The following APEX2 variants were observed in gnomAD, a reference collection of about 807,000 sequenced individuals.
The protein encoded by APEX2 is apurinic/apyrimidinic endodeoxyribonuclease 2.
In APEX2, 4 loss-of-function variants were observed where a neutral mutation model predicts 16.7. The observed-to-expected ratio is 0.24, with a 90% CI of 0.12 to 0.55. The LOEUF is 0.55. Among genes scored for constraint, APEX2 ranks in the 20% least tolerant of loss-of-function variants. The pLI, the probability that APEX2 is intolerant of heterozygous loss-of-function variation, is 0.94. For synonymous variants in APEX2, 181 were observed against 166.9 expected (o/e 1.08, Z -0.65); for missense variants, 357 against 433.6 (o/e 0.82, Z 1.57).
chrX:55,002,896 G>A, intron 3 of APEX2, 66 bp from the exon 4 acceptor site: 1 of 1,129,499 alleles, frequency 8.9e-7, no homozygotes, highest in Non-Finnish European at 1.2e-6. Context: ...AAGCCATGTG[G>A]TATGGGGAAG....
Position 55,003,836 on chromosome X carries a change from C to A in APEX2, c.607C>A (p.Arg203Ser). The A allele has an allele frequency of 8.3e-7, 1 of 1,211,507 alleles. No homozygotes were observed. The highest frequency in any genetic ancestry group is 1.8e-5 in the South Asian group (1 of 56,962). ...TCTGGGTGACCTGAATACAGCCCAC[C>A]GCCCCATTGACCACTGGGATGCAGT... ...IILGDLNTAHRPIDHWDAVNL... is the reference protein window; with the variant it reads ...IILGDLNTAHSPIDHWDAVNL... The change falls in exon 5 of 6, where the codon CGC (arginine) becomes AGC (serine). Residue 203 changes from arginine to serine, a missense_variant. Transcript: ENST00000374987.
rs1395810255 is a variant in APEX2, at chrX:55,006,458, C to T, written c.640-60C>T. ...ATGCAGCAGTTAGTCTAAGTCCCTT[C>T]CAGTTCTAGGTATCTAGTTCTGTCT... On this transcript the variant is annotated intron_variant, in intron 5 of 5. Coordinates refer to ENST00000374987, the MANE Select transcript of APEX2 (RefSeq NM_014481.4). 4 of 975,790 alleles carry T rather than the reference C, an allele frequency of 4.1e-6. No individual in the cohort carries two copies. In the Admixed American group the frequency reaches 1.8e-4, roughly 43 times the overall value. The allele number at this position is 975,790 out of a possible 1,213,427, so 80.4% of individuals were successfully genotyped here.
intron 5 of APEX2, among the ~76,000 whole-genome samples, chrX:55,004,581 G>GCT (rs1168440469): frequency 9.0e-6 from 1 of 111,587 alleles, no homozygotes; most frequent in Admixed American, 9.4e-5. Flanking sequence ...AGCATTCAAG[G>GCT]CTCTCCTTGG....
In APEX2 at chrX:55,008,893, G is replaced by A. The variant is rs749367497; in HGVS notation, c.*1458G>A. 2.1e-5 allele frequency: 7 copies of A among 339,975 alleles called. No individual in the cohort carries two copies. The highest frequency in any genetic ancestry group is 1.5e-4 in the East Asian group (3 of 19,845). 28.0% of individuals were successfully genotyped at this position (339,975 alleles called of 1,213,427 possible). A position where few individuals can be genotyped will look rare whatever the true frequency, so the allele number is the denominator to read the frequency against. Reference sequence around the variant, plus strand: ...GTATCCTAGCTCTTTGCAACTCACTGTGTAGTTTTTGGGCATTTCCTTCCT... The same window carrying A: ...GTATCCTAGCTCTTTGCAACTCACTATGTAGTTTTTGGGCATTTCCTTCCT... On this transcript the variant is annotated 3_prime_UTR_variant, in exon 6 of 6. Transcript: ENST00000374987.
chrX:55,003,195 C>T (rs1320182220), intron 4 of APEX2, 87 bp downstream of exon 4: 1 of 1,065,421 alleles, frequency 9.4e-7, no homozygotes, highest in African/African-American at 1.9e-5. Flanking sequence ...GGATATGGAC[C>T]CTTTGTCTCT....
intron 3 of APEX2, 131 bp downstream of exon 3, chrX:55,002,562 C>A: frequency 1.3e-6 from 1 of 790,425 alleles, no homozygotes; most frequent in Non-Finnish European, 1.7e-6. Flanking sequence ...CTGGTTTAGT[C>A]CTGGCTGGGC....
rs775435972 is a variant in APEX2, at chrX:55,003,877, C to T, written c.639+9C>T. 8 of 1,208,611 alleles carry T rather than the reference C, an allele frequency of 6.6e-6. No homozygotes were observed. Among genetic ancestry groups the T allele is most frequent in the East Asian group, 5.9e-5 (2 of 33,855 alleles). Reference sequence around the variant, plus strand: ...GGGATGCAGTCAACCTGGTAAGGCTCCCTCTAGGTGCCTGGCCCCACTCCT... The same window carrying T: ...GGGATGCAGTCAACCTGGTAAGGCTTCCTCTAGGTGCCTGGCCCCACTCCT... On this transcript the variant is annotated intron_variant, in intron 5 of 5. Coordinates refer to ENST00000374987, the MANE Select transcript of APEX2 (RefSeq NM_014481.4).
intron 2 of APEX2, 46 bp downstream of exon 2, chrX:55,001,675 TA>T: frequency 9.4e-7 from 1 of 1,061,765 alleles, no homozygotes; most frequent in Non-Finnish European, 1.3e-6. Flanking sequence ...GGGAGGCAGA[TA>T]GGGGAAAAGG....
At chrX:55,003,965 T>C (rs981362312) in intron 5 of APEX2, 97 bp downstream of exon 5, 5 of 797,381 alleles carry the variant, frequency 6.3e-6, no homozygotes, top group African/African-American at 2.0e-5. Context: ...GCTTCCTTTA[T>C]GGGAAAGCGG....
Position 55,008,587 on chromosome X carries a change from AAAG to A in APEX2, c.*1155_*1157del, listed in dbSNP as rs934168268. On this transcript the variant is annotated 3_prime_UTR_variant, in exon 6 of 6. Coordinates refer to ENST00000374987, the MANE Select transcript of APEX2 (RefSeq NM_014481.4). ...TTCAGTCTCCAAAAAAAAAAAAAGA[AAAG>A]AAAAAGAATGGGACTGGTAAATCCT... 3 of 111,089 alleles carry A rather than the reference AAAG, an allele frequency of 2.7e-5. No homozygotes were observed. The highest frequency in any genetic ancestry group is 5.7e-5 in the Non-Finnish European group (3 of 53,028). The allele number at this position is 111,089 out of a possible 1,213,427, so 9.2% of individuals were successfully genotyped here. A position where few individuals can be genotyped will look rare whatever the true frequency, so the allele number is the denominator to read the frequency against.
In APEX2 at chrX:55,008,993, G is replaced by T; in HGVS notation, c.*1558G>T. 1 of 512,785 alleles carries T rather than the reference G, an allele frequency of 2.0e-6. No individual in the cohort carries two copies. The highest frequency in any genetic ancestry group is 3.2e-6 in the Non-Finnish European group (1 of 308,858). The allele number at this position is 512,785 out of a possible 1,213,427, so 42.3% of individuals were successfully genotyped here. A position where few individuals can be genotyped will look rare whatever the true frequency, so the allele number is the denominator to read the frequency against. On this transcript the variant is annotated 3_prime_UTR_variant, in exon 6 of 6. Transcript: ENST00000374987. Reference sequence around the variant, plus strand: ...TGACCTATGGTTACCTCATAGATCTGCCACTTGTCTGAGGGAGTCAGAATG... The same window carrying T: ...TGACCTATGGTTACCTCATAGATCTTCCACTTGTCTGAGGGAGTCAGAATG...
In APEX2 at chrX:55,002,426, G is replaced by A; in HGVS notation, c.417G>A (p.Lys139=). The part of the protein sequence containing the change: ...SEGRALLTQH[K]IRTWEGKEKT... ...GCAGGGCCCTCCTCACACAGCATAA[G>A]ATCCGGTAATAGCTCATATCTCCCT... Residue 139 remains lysine (K), a synonymous_variant, in exon 3 of 6, where the codon AAG becomes AAA. Coordinates refer to ENST00000374987, the MANE Select transcript of APEX2 (RefSeq NM_014481.4). The A allele has an allele frequency of 2.5e-6, 3 of 1,188,957 alleles. No homozygotes were observed. The highest frequency in any genetic ancestry group is 3.4e-6 in the Non-Finnish European group (3 of 886,128).
rs990121519 is a variant in APEX2 at position 55,003,839 on chromosome X, C to T, written c.610C>T (p.Pro204Ser). 8 of 1,209,858 alleles carry T rather than the reference C, an allele frequency of 6.6e-6. No individual in the cohort carries two copies. The African/African-American group carries it at 1.4e-4, about 21-fold the overall frequency. ...ILGDLNTAHR[P>S]IDHWDAVNLE... is the part of the protein sequence containing the mutation. ...GGGTGACCTGAATACAGCCCACCGC[C>T]CCATTGACCACTGGGATGCAGTCAA... The change falls in exon 5 of 6, where the codon CCC (proline) becomes TCC (serine). Residue 204 changes from proline (P) to serine (S), a missense_variant. By Grantham distance (74) the Pro-to-Ser change is moderately conservative. Coordinates refer to ENST00000374987, the MANE Select transcript of APEX2 (RefSeq NM_014481.4).
chrX:55,002,351 A>G lies in APEX2; in HGVS notation c.342A>G (p.Gly114=), dbSNP rs1443690613. 8.3e-7 allele frequency: 1 copy of G among 1,211,416 alleles called. No homozygotes were observed. The highest frequency in any genetic ancestry group is 1.1e-6 in the Non-Finnish European group (1 of 895,304). The part of the protein sequence containing the change: ...ATQNGDVGCY[G]NMDEFTQEEL... ...AGAATGGGGATGTTGGTTGCTATGG[A>G]AACATGGATGAGTTTACCCAAGAGG... The change falls in exon 3 of 6, where the codon GGA becomes GGG. Residue 114 remains glycine (G), a synonymous_variant. Transcript: ENST00000374987.
intron 1 of APEX2, among the ~76,000 whole-genome samples, chrX:55,001,174 C>A (rs988531898): frequency 9.2e-6 from 1 of 108,436 alleles, no homozygotes; most frequent in African/African-American, 3.4e-5. Context: ...CCCTAATTCC[C>A]TCTCTCTTAC....
rs888198422 is a variant in APEX2 at position 55,007,665 on chromosome X, G to A, written c.*230G>A. The stretch of plus-strand genomic sequence containing the variant: ...TACACCACTTTCCACCTTCCTGTCC[G>A]AAGTACACGGACACTAGCTGCCCCA... On this transcript the variant is annotated 3_prime_UTR_variant, in exon 6 of 6. Coordinates refer to ENST00000374987, the MANE Select transcript of APEX2 (RefSeq NM_014481.4). 3.6e-5 allele frequency: 12 copies of A among 333,433 alleles called. No homozygotes were observed. Among genetic ancestry groups the A allele is most frequent in the African/African-American group, 2.1e-4 (8 of 37,622 alleles). 27.5% of individuals were successfully genotyped at this position (333,433 alleles called of 1,213,427 possible).
intron 5 of APEX2, 37 bp downstream of exon 5, chrX:55,003,905 C>G (rs754516631): frequency 1.7e-6 from 2 of 1,178,852 alleles, no homozygotes; most frequent in Non-Finnish European, 2.3e-6. Context: ...CCACTCCTGA[C>G]TGATTCTGTT....
chrX:55,002,189 G>A, intron 2 of APEX2, 62 bp from the exon 3 acceptor site: 1 of 1,050,402 alleles, frequency 9.5e-7, no homozygotes, highest in East Asian at 3.2e-5. Context: ...ATTGGAGTGG[G>A]ACAGGCTGTG....
rs939809478 is a variant in APEX2, at chrX:55,008,431, C to T, written c.*996C>T. 9.0e-6 allele frequency: 1 copy of T among 110,755 alleles called. No homozygotes were observed. The highest frequency in any genetic ancestry group is 3.3e-5 in the African/African-American group (1 of 30,394). 9.1% of individuals were successfully genotyped at this position (110,755 alleles called of 1,213,427 possible). A position where few individuals can be genotyped will look rare whatever the true frequency, so the allele number is the denominator to read the frequency against. On this transcript the variant is annotated 3_prime_UTR_variant, in exon 6 of 6. Transcript: ENST00000374987. ...ACTAAATACAAAAAAATTAACTGGG[C>T]GTGGTGGCGCGTGCCTGTAATCCAA...
Sources: allele counts gnomAD v4.1 joint callset (sites outside exome capture counted in the v4.1 genomes callset), GRCh38; gene constraint gnomAD v4.1.1; transcripts MANE v1.5; gene names NCBI Gene and HGNC (gene_info 2026-07-23, HGNC 2026-07-21).